CRADD: variants seen among roughly 807,000 people sequenced by gnomAD.
The protein encoded by CRADD is death domain-containing protein CRADD.
CRADD carries 9 observed loss-of-function variants against 15.5 expected under a neutral mutation model. The ratio of observed to expected loss-of-function variants is 0.58; its 90% confidence interval spans 0.35 to 1.01. The LOEUF (loss-of-function observed/expected upper bound fraction) is 1.01, where lower values mean the gene tolerates loss of function less well. Among genes scored for constraint, CRADD ranks in the 50% least tolerant of loss-of-function variants. The pLI is 0.02. For synonymous variants in CRADD, 118 were observed against 107.6 expected (o/e 1.10, Z -0.60); for missense variants, 227 against 250.3 (o/e 0.91, Z 0.63).
rs1431967238 is a variant in CRADD, at chr12:93,824,250, C to G, written c.299-25720C>G. 1.3e-5 allele frequency among the ~76,000 whole-genome samples: 2 copies of G among 152,156 alleles called. No homozygotes were observed. The highest frequency in any genetic ancestry group is 4.8e-5 in the African/African-American group (2 of 41,428). ...TGTCTCAGCATACTTTCCAATGCTT[C>G]CAGTAATGGATTGTGCAAAACACAA... On this transcript the variant is annotated intron_variant, in intron 2 of 2. Transcript: ENST00000332896. The surrounding 1 kb of genome is among the most constrained non-coding windows in gnomAD (Gnocchi z 4.3).
intron 2 of CRADD, among the ~76,000 whole-genome samples, chr12:93,828,172 A>G (rs1199211820): frequency 6.6e-6 from 1 of 152,136 alleles, no homozygotes; most frequent in Non-Finnish European, 1.5e-5. Flanking sequence ...ATTTTTGTTA[A>G]GCTTTGAGAA....
chr12:93,828,786 C>T (rs1957855608), intron 2 of CRADD, among the ~76,000 whole-genome samples: 4 of 152,156 alleles, frequency 2.6e-5, no homozygotes, highest in Admixed American at 6.5e-5. Context: ...CATTCTTTTT[C>T]AAAATTATTT....
chr12:93,684,866 A>G (rs1190981899), intron 2 of CRADD, among the ~76,000 whole-genome samples: 1 of 152,138 alleles, frequency 6.6e-6, no homozygotes, highest in Non-Finnish European at 1.5e-5. Context: ...CAATGTGGCT[A>G]ATAAGACACC....
chr12:93,767,193 T>G (rs1957035421), intron 2 of CRADD, among the ~76,000 whole-genome samples: 2 of 152,260 alleles, frequency 1.3e-5, no homozygotes, highest in Non-Finnish European at 2.9e-5. Flanking sequence ...GCAAGTGATA[T>G]TAACAAATTT....
At chr12:93,744,278 A>G (rs929824337) in intron 2 of CRADD, among the ~76,000 whole-genome samples, 2 of 152,152 alleles carry the variant, frequency 1.3e-5, no homozygotes, top group African/African-American at 2.4e-5. Flanking sequence ...TCCATGTGGT[A>G]GTTGTACTGG....
At chr12:93,800,135 G>T (rs1323602715) in intron 2 of CRADD, among the ~76,000 whole-genome samples, 1 of 152,114 alleles carries the variant, frequency 6.6e-6, no homozygotes, top group Non-Finnish European at 1.5e-5. Flanking sequence ...AATTTTCGAG[G>T]CTGAGAAGTT....
chr12:93,878,517 C>T (rs570755590), intron 2 of CRADD, among the ~76,000 whole-genome samples: 2 of 152,304 alleles, frequency 1.3e-5, no homozygotes, highest in East Asian at 3.9e-4. Context: ...TCACATGCCC[C>T]ACCCCCAGTC....
At chr12:93,868,865 A>G (rs992384002) in intron 2 of CRADD, among the ~76,000 whole-genome samples, 23 of 152,330 alleles carry the variant, frequency 1.5e-4, no homozygotes, top group African/African-American at 5.3e-4. Context: ...GCAACTGGAA[A>G]TTGAAGTGGG....
Position 93,679,020 on chromosome 12 carries a change from C to T in CRADD, c.246C>T (p.Val82=). 2 of 1,614,076 alleles carry T rather than the reference C, an allele frequency of 1.2e-6. No homozygotes were observed. Among genetic ancestry groups the T allele is most frequent in the South Asian group, 2.2e-5 (2 of 91,074 alleles). Residue 82 remains valine (V), a synonymous_variant, in exon 2 of 3, where the codon GTC becomes GTT. Transcript: ENST00000332896. ...ATTCCCTACAGGAGTTTCCCTGGGT[C>T]AGGGAGAAGCTGAAGAAGGCAAGGG... is the stretch of plus-strand genomic sequence containing the variant. ...FLDSLQEFPW[V]REKLKKAREE...
In CRADD at chr12:93,824,636, A is replaced by G. The variant is rs903292936; in HGVS notation, c.299-25334A>G. 3.3e-5 allele frequency among the ~76,000 whole-genome samples: 5 copies of G among 152,356 alleles called. No individual in the cohort carries two copies. The highest frequency in any genetic ancestry group is 4.1e-4 in the South Asian group (2 of 4,822). Reference sequence around the variant, plus strand: ...AGAATGCATTAGAATGCATCATTCTATGATACATTATCCGAGCTGAAGCTG... The same window carrying G: ...AGAATGCATTAGAATGCATCATTCTGTGATACATTATCCGAGCTGAAGCTG... On this transcript the variant is annotated intron_variant, in intron 2 of 2. Transcript: ENST00000332896. This position sits in a 1 kb window ranked among gnomAD's most constrained non-coding sequence, Gnocchi z 4.3.
rs11107148 is a variant in CRADD, at chr12:93,684,431, T to C, written c.298+5359T>C. On this transcript the variant is annotated intron_variant, in intron 2 of 2. Coordinates refer to ENST00000332896, the MANE Select transcript of CRADD (RefSeq NM_003805.5). ...GAGTCTAATGCCACTGCTGATCCAA[T>C]AGGAGGAGGAGCTCAGGTGGTAATC... Among the ~76,000 whole-genome samples the C allele has an allele frequency of 9.2e-3, 1,406 of 152,214 alleles. 16 individuals carry two copies. Among genetic ancestry groups the C allele is most frequent in the African/African-American group, 0.032 (1,347 of 41,518 alleles).
At chr12:93,701,585 C>T (rs1592900465) in intron 2 of CRADD, among the ~76,000 whole-genome samples, 1 of 152,184 alleles carries the variant, frequency 6.6e-6, no homozygotes, top group Non-Finnish European at 1.5e-5. Context: ...ACATTTTCGT[C>T]AAATGCTAGT....
intron 2 of CRADD, among the ~76,000 whole-genome samples, chr12:93,696,840 G>T (rs1290796500): frequency 6.6e-6 from 1 of 152,116 alleles, no homozygotes; most frequent in Non-Finnish European, 1.5e-5. Flanking sequence ...CACTTACCTT[G>T]TATTAGGTAT....
intron 2 of CRADD, among the ~76,000 whole-genome samples, chr12:93,750,840 C>T (rs1035736835): frequency 1.3e-5 from 2 of 152,104 alleles, no homozygotes; most frequent in Admixed American, 6.5e-5. Context: ...ATGGACACAT[C>T]GCAGATGTCA....
At chr12:93,792,315 G>A (rs1957357907) in intron 2 of CRADD, among the ~76,000 whole-genome samples, 1 of 152,154 alleles carries the variant, frequency 6.6e-6, no homozygotes, top group Non-Finnish European at 1.5e-5. Context: ...AGATGCTGGA[G>A]ACCCTCTTTC....
chr12:93,724,092 C>T (rs1435044307), intron 2 of CRADD, among the ~76,000 whole-genome samples: 1 of 152,078 alleles, frequency 6.6e-6, no homozygotes. Context: ...GTTTCTGCTC[C>T]AGGCCGGGTG....
At chr12:93,833,845 T>C (rs1957940948) in intron 2 of CRADD, among the ~76,000 whole-genome samples, 1 of 152,186 alleles carries the variant, frequency 6.6e-6, no homozygotes, top group African/African-American at 2.4e-5. Flanking sequence ...ATTATGTTTT[T>C]GTGGTAGGCA....
At chr12:93,789,929 G>A (rs1356894056) in intron 2 of CRADD, among the ~76,000 whole-genome samples, 1 of 152,092 alleles carries the variant, frequency 6.6e-6, no homozygotes, top group Non-Finnish European at 1.5e-5. Context: ...GTTGTTTTGG[G>A]TCCTCTTATC....
intron 2 of CRADD, among the ~76,000 whole-genome samples, chr12:93,691,665 A>G (rs1424775733): frequency 6.6e-6 from 1 of 152,198 alleles, no homozygotes; most frequent in East Asian, 1.9e-4. Context: ...TCTGAGGTTG[A>G]AAGGTAGTGC....
Sources: gnomAD v4.1 joint callset for allele counts (sites outside exome capture counted in the v4.1 genomes callset) on GRCh38, gnomAD v4.1.1 for gene constraint, Gnocchi (gnomAD v3.1) non-coding constraint, MANE v1.5 for transcripts, NCBI Gene and HGNC (gene_info 2026-07-23, HGNC 2026-07-21) for gene names.